Variants in CSMD1 observed in about 807,000 individuals in gnomAD.
CSMD1 encodes CUB and Sushi multiple domains 1.
In CSMD1, 213 loss-of-function variants were observed where a neutral mutation model predicts 417.5. The observed-to-expected ratio is 0.51, with a 90% CI of 0.46 to 0.57. CSMD1 has a LOEUF of 0.57. CSMD1 is among the 20% of genes least tolerant of loss of function. The pLI is 0.00. For missense variants in CSMD1, 6,923 were observed against 4,529.7 expected (o/e 1.53, Z -15.17); for synonymous variants, 2,862 against 1,736.8 (o/e 1.65, Z -16.11).
intron 4 of CSMD1, among the ~76,000 whole-genome samples, chr8:4,009,202 T>C (rs1404855534): frequency 6.6e-6 from 1 of 152,172 alleles, no homozygotes; most frequent in East Asian, 1.9e-4. Context: ...GGAAAATAAT[T>C]CTAAATGTAA....
intron 5 of CSMD1, among the ~76,000 whole-genome samples, chr8:3,909,241 G>A (rs1382940398): frequency 6.6e-6 from 1 of 152,150 alleles, no homozygotes; most frequent in Non-Finnish European, 1.5e-5. Context: ...CTGGCTTGGA[G>A]GAGATGTAGA....
chr8:3,815,803 G>T (rs1240052813), intron 5 of CSMD1, among the ~76,000 whole-genome samples: 2 of 152,008 alleles, frequency 1.3e-5, no homozygotes, highest in African/African-American at 4.8e-5. Flanking sequence ...TAGTGAACGG[G>T]CCTAGAAAGT....
chr8:4,962,786 A>C (rs1809594314), intron 1 of CSMD1, among the ~76,000 whole-genome samples: 1 of 152,176 alleles, frequency 6.6e-6, no homozygotes, highest in South Asian at 2.1e-4. Context: ...AGGGGACAAA[A>C]AATTACACTC....
At chr8:4,262,516 G>C (rs1258195455) in intron 3 of CSMD1, among the ~76,000 whole-genome samples, 1 of 152,298 alleles carries the variant, frequency 6.6e-6, no homozygotes, top group Non-Finnish European at 1.5e-5. Flanking sequence ...TGATTTTTAA[G>C]TTTGAACTCA....
At chr8:4,040,796 C>G (rs1200018450) in intron 3 of CSMD1, among the ~76,000 whole-genome samples, 4 of 152,056 alleles carry the variant, frequency 2.6e-5, no homozygotes, top group East Asian at 1.9e-4. Flanking sequence ...ACTAGATTTT[C>G]AAAAGATTTT....
At chr8:4,949,087 T>A (rs951209658) in intron 1 of CSMD1, among the ~76,000 whole-genome samples, 10 of 152,150 alleles carry the variant, frequency 6.6e-5, no homozygotes, top group Non-Finnish European at 1.5e-5. Flanking sequence ...TAACTTTTTT[T>A]GTAACTTTAA....
intron 7 of CSMD1, among the ~76,000 whole-genome samples, chr8:3,630,929 T>C (rs1028223860): frequency 6.6e-6 from 1 of 152,178 alleles, no homozygotes; most frequent in Non-Finnish European, 1.5e-5. Context: ...TAGAGAAACA[T>C]GGTATTCACT....
At chr8:4,023,442 A>T (rs917659219) in intron 4 of CSMD1, among the ~76,000 whole-genome samples, 2 of 152,176 alleles carry the variant, frequency 1.3e-5, no homozygotes, top group African/African-American at 4.8e-5. Context: ...GCCAGCACTC[A>T]TCTAGACTCT....
At chr8:4,280,397 T>C (rs1179024060) in intron 3 of CSMD1, among the ~76,000 whole-genome samples, 1 of 152,242 alleles carries the variant, frequency 6.6e-6, no homozygotes, top group East Asian at 1.9e-4. Flanking sequence ...TTCAGTTGTC[T>C]AGAATCTGAC....
chr8:3,181,284 G>A lies in CSMD1; in HGVS notation c.5621-70C>T, dbSNP rs1821307393. The A allele has an allele frequency of 7.7e-6, 8 of 1,035,034 alleles. No individual in the cohort carries two copies. In the South Asian group the frequency reaches 8.5e-5, roughly 11 times the overall value. The allele number at this position is 1,035,034 out of a possible 1,614,324, so 64.1% of individuals were successfully genotyped here. A position where few individuals can be genotyped will look rare whatever the true frequency, so the allele number is the denominator to read the frequency against. On this transcript the variant is annotated intron_variant, in intron 36 of 69. Coordinates refer to ENST00000635120, the MANE Select transcript of CSMD1 (RefSeq NM_033225.6). ...TCACTTTTCTAAATATAAAACATAT[G>A]AGAATACTTATTAGGCTTACAAATC...
intron 5 of CSMD1, among the ~76,000 whole-genome samples, chr8:3,845,026 A>G (rs544024154): frequency 1.3e-5 from 2 of 152,198 alleles, no homozygotes; most frequent in Non-Finnish European, 2.9e-5. Flanking sequence ...TTGATGTATA[A>G]TTTTATAACA....
intron 5 of CSMD1, among the ~76,000 whole-genome samples, chr8:3,973,666 T>C (rs909739334): frequency 6.6e-6 from 1 of 152,212 alleles, no homozygotes; most frequent in African/African-American, 2.4e-5. Context: ...TACCTCACAG[T>C]ATCCTTGGTA....
chr8:3,009,668 G>A (rs958424007), intron 52 of CSMD1, among the ~76,000 whole-genome samples: 6 of 152,066 alleles, frequency 3.9e-5, no homozygotes, highest in African/African-American at 1.4e-4. Flanking sequence ...GCCTCCAAGT[G>A]CAATCTCTAG....
chr8:4,726,096 C>G (rs1437157512), intron 1 of CSMD1, among the ~76,000 whole-genome samples: 1 of 152,090 alleles, frequency 6.6e-6, no homozygotes, highest in South Asian at 2.1e-4. Context: ...ATACACAGAA[C>G]GCACATATAA....
chr8:3,464,276 C>T (rs1043130589), intron 12 of CSMD1, among the ~76,000 whole-genome samples: 4 of 152,164 alleles, frequency 2.6e-5, no homozygotes, highest in Admixed American at 2.0e-4. Context: ...GCCATAAAAA[C>T]GTGGGACCAC....
At chr8:4,632,082 T>G (rs981191202) in intron 2 of CSMD1, among the ~76,000 whole-genome samples, 2 of 152,192 alleles carry the variant, frequency 1.3e-5, no homozygotes, top group Admixed American at 6.5e-5. Flanking sequence ...TTAGAAAACA[T>G]GTACCAATTA....
intron 26 of CSMD1, among the ~76,000 whole-genome samples, chr8:3,245,298 C>A (rs903363023): frequency 2.6e-5 from 4 of 152,162 alleles, no homozygotes; most frequent in Non-Finnish European, 1.5e-5. Context: ...CCAGTTCCTT[C>A]CGGTACCTGG....
At chr8:3,188,122 TCCAATGCC>T (rs1796181965) in intron 35 of CSMD1, among the ~76,000 whole-genome samples, 157 bp from the exon 36 acceptor site, 2 of 146,414 alleles carry the variant, frequency 1.4e-5, no homozygotes, top group Non-Finnish European at 3.0e-5. Flanking sequence ...TAATAATGCC[TCCAATGCC>T]ATATATATAT....
intron 1 of CSMD1, among the ~76,000 whole-genome samples, chr8:4,652,754 A>C (rs1803985459): frequency 6.6e-6 from 1 of 152,156 alleles, no homozygotes. Flanking sequence ...TTTTGGCACC[A>C]GGGCGGTTTT....
Sources: allele counts gnomAD v4.1 joint callset (sites outside exome capture counted in the v4.1 genomes callset), GRCh38; gene constraint gnomAD v4.1.1; transcripts MANE v1.5; gene names NCBI Gene and HGNC (gene_info 2026-07-23, HGNC 2026-07-21).